The following MIA2 variants were observed in gnomAD, a reference collection of about 807,000 sequenced individuals.
MIA2 encodes melanoma inhibitory activity protein 2.
MIA2 carries 127 observed loss-of-function variants against 167.8 expected under a neutral mutation model. That is an observed-to-expected ratio of 0.76 (90% CI 0.66 to 0.88). The LOEUF is 0.88. Ranked by LOEUF, MIA2 falls within the 40% of genes least tolerant of loss-of-function variation. MIA2 has a pLI of 0.00. For missense variants in MIA2, 1,690 were observed against 1,624.7 expected (o/e 1.04, Z -0.69); for synonymous variants, 552 against 541.9 (o/e 1.02, Z -0.26).
At chr14:39,319,766 G>A (rs987658951) in intron 23 of MIA2, among the ~76,000 whole-genome samples, 2 of 151,980 alleles carry the variant, frequency 1.3e-5, no homozygotes, top group Non-Finnish European at 2.9e-5. Context: ...AGGTTTGATT[G>A]CTTTAATTAC....
chr14:39,387,654 G>C (rs2075290374), exon 24 of MIA2: 1 of 152,222 alleles, frequency 6.6e-6, no homozygotes, highest in East Asian at 1.9e-4. Flanking sequence ...CGAGAGGATT[G>C]AGTCCAATTT....
At chr14:39,331,283 C>CT (rs1000095651) in intron 25 of MIA2, among the ~76,000 whole-genome samples, 26 of 151,748 alleles carry the variant, frequency 1.7e-4, no homozygotes, top group Non-Finnish European at 2.9e-4. Context: ...TACAACCCTG[C>CT]TTTTTTTTGC....
intron 24 of MIA2, among the ~76,000 whole-genome samples, chr14:39,324,500 G>A (rs943849174): frequency 4.6e-5 from 7 of 152,338 alleles, no homozygotes; most frequent in Admixed American, 1.3e-4. Flanking sequence ...TATATTAAAT[G>A]TGAATGCTTA....
chr14:39,313,319 AT>A lies in MIA2; in HGVS notation c.3018-20del, dbSNP rs756922257. ...TCTTTTGACATGTATTAAGAGAATTATAACATTTTTTGTTTTTAAGGAAATT... is the reference window on the plus strand; with the variant it reads ...TCTTTTGACATGTATTAAGAGAATTAAACATTTTTTGTTTTTAAGGAAATT... On this transcript the variant is annotated intron_variant, in intron 18 of 28. Coordinates refer to ENST00000640607, the MANE Select transcript of MIA2 (RefSeq NM_001329214.4). 1.5e-6 allele frequency: 2 copies of A among 1,294,086 alleles called. No homozygotes were observed. The highest frequency in any genetic ancestry group is 2.2e-6 in the Non-Finnish European group (2 of 908,088). The allele number at this position is 1,294,086 out of a possible 1,614,324, so 80.2% of individuals were successfully genotyped here.
chr14:39,343,793 G>A (rs906327017), intron 25 of MIA2, among the ~76,000 whole-genome samples: 1 of 152,058 alleles, frequency 6.6e-6, no homozygotes, highest in African/African-American at 2.4e-5. Flanking sequence ...GTGTATATGT[G>A]TATGTGTATA....
At chr14:39,277,671 T>C in intron 7 of MIA2, among the ~76,000 whole-genome samples, 1 of 34,214 alleles carries the variant, frequency 2.9e-5, no homozygotes, top group Non-Finnish European at 5.8e-5. Context: ...TGTAAGATCT[T>C]TTATATATAT....
chr14:39,300,999 T>TAC (rs1566819352), intron 14 of MIA2, among the ~76,000 whole-genome samples: 3 of 148,914 alleles, frequency 2.0e-5, no homozygotes, highest in African/African-American at 7.6e-5. Flanking sequence ...TACACATATA[T>TAC]ACATATATAC....
intron 2 of MIA2, among the ~76,000 whole-genome samples, chr14:39,238,803 A>AC: frequency 6.8e-6 from 1 of 146,892 alleles, no homozygotes; most frequent in African/African-American, 2.5e-5. Flanking sequence ...CAAAAAAAAA[A>AC]AAAAAAAACC....
At position 39,320,926 on chromosome 14, in the gene MIA2, A is replaced by C; in HGVS notation, c.3368-2A>C. ...TTAAATATGCTGTTTTAATTATTCC[A>C]GAGCATTCCCCATATGGTCCCTCAC... On this transcript the variant is annotated splice_acceptor_variant, in intron 23 of 28. Transcript: ENST00000640607. LOFTEE classifies it high-confidence loss of function. 1 of 1,612,086 alleles carries C rather than the reference A, an allele frequency of 6.2e-7. No individual in the cohort carries two copies. Among genetic ancestry groups the C allele is most frequent in the Non-Finnish European group, 8.5e-7 (1 of 1,179,338 alleles).
chr14:39,247,587 T>C lies in MIA2; in HGVS notation c.1013T>C (p.Leu338Pro), dbSNP rs2054367958. 1.9e-6 allele frequency: 3 copies of C among 1,613,928 alleles called. No individual in the cohort carries two copies. Among genetic ancestry groups the C allele is most frequent in the Middle Eastern group, 1.6e-4 (1 of 6,084 alleles). Residue 338 changes from leucine (L) to proline (P), a missense_variant, in exon 4 of 29, where the codon CTA becomes CCA. Leu to Pro is a moderately conservative substitution (Grantham distance 98). Transcript: ENST00000640607. Reference sequence around the variant, plus strand: ...ATAGCTGAAGAAAGCAATCCACCACTACAAGATTTTCCCAATTCCATATCA... The same window carrying C: ...ATAGCTGAAGAAAGCAATCCACCACCACAAGATTTTCCCAATTCCATATCA... ...ELIAEESNPPLQDFPNSISSD... is the reference protein window; with the variant it reads ...ELIAEESNPPPQDFPNSISSD...
chr14:39,292,123 C>T (rs981105617), intron 10 of MIA2, among the ~76,000 whole-genome samples: 1 of 152,294 alleles, frequency 6.6e-6, no homozygotes, highest in African/African-American at 2.4e-5. Flanking sequence ...TTACTATCTT[C>T]AAGAACTTGT....
intron 23 of MIA2, among the ~76,000 whole-genome samples, chr14:39,382,796 C>T (rs986502934): frequency 1.3e-5 from 2 of 152,100 alleles, no homozygotes; most frequent in African/African-American, 4.8e-5. Flanking sequence ...TTTTATTTTC[C>T]TTTCACACTC....
chr14:39,377,738 C>A (rs565370680), intron 23 of MIA2, among the ~76,000 whole-genome samples: 57 of 151,174 alleles, frequency 3.8e-4, no homozygotes, highest in Non-Finnish European at 5.4e-4. Flanking sequence ...CAAGAATAAT[C>A]ATTTGTTATA....
At chr14:39,252,046 TA>T (rs534232316) in intron 4 of MIA2, among the ~76,000 whole-genome samples, 283 of 133,530 alleles carry the variant, frequency 2.1e-3, no homozygotes, top group African/African-American at 8.4e-3. Context: ...TAGGGTTTTT[TA>T]AAAGTAATTT....
chr14:39,345,951 T>A lies in MIA2; in HGVS notation c.3703T>A (p.Phe1235Ile), dbSNP rs759127670. Residue 1235 changes from phenylalanine to isoleucine, a missense_variant, in exon 26 of 29, where the codon TTT becomes ATT. Coordinates refer to ENST00000640607, the MANE Select transcript of MIA2 (RefSeq NM_001329214.4). ...CCTTCCTCCACAAAGGCAAGACAGA[T>A]TTTGTTCTAATTCTGGTAGACTGTC... ...SALPPQRQDRFCSNSGRLSGP... is the reference protein window; with the variant it reads ...SALPPQRQDRICSNSGRLSGP... The A allele has an allele frequency of 1.2e-6, 2 of 1,612,128 alleles. No individual in the cohort carries two copies. The highest frequency in any genetic ancestry group is 2.2e-5 in the South Asian group (2 of 90,998).
chr14:39,319,431 A>G (rs1279135238), intron 23 of MIA2, 140 bp downstream of exon 23: 2 of 391,306 alleles, frequency 5.1e-6, no homozygotes, highest in African/African-American at 4.2e-5. Flanking sequence ...GTTCTAGACT[A>G]AGCTTTCTCA....
chr14:39,350,168 C>A lies in MIA2; in HGVS notation c.4143C>A (p.Pro1381=). 1.4e-6 allele frequency: 2 copies of A among 1,436,306 alleles called. No homozygotes were observed. Among genetic ancestry groups the A allele is most frequent in the Non-Finnish European group, 1.9e-6 (2 of 1,049,482 alleles). 89.0% of individuals were successfully genotyped at this position (1,436,306 alleles called of 1,614,324 possible). Residue 1381 remains proline (P), a synonymous_variant, in exon 29 of 29, where the codon CCC becomes CCA. Transcript: ENST00000640607. ...CAAGACCTGGATTTTTCCCCCCACC[C>A]CCACATTCTGAAGGTAGAAGTGAGT... The part of the protein sequence containing the change: ...LPPRPGFFPP[P]PHSEGRSEFP...
intron 9 of MIA2, among the ~76,000 whole-genome samples, chr14:39,280,636 G>A (rs2058772702): frequency 6.6e-6 from 1 of 152,142 alleles, no homozygotes; most frequent in Non-Finnish European, 1.5e-5. Flanking sequence ...GGGAGGCTGA[G>A]GCAGGAGAAT....
At chr14:39,346,803 G>A (rs1207255547) in intron 26 of MIA2, 3 of 190,502 alleles carry the variant, frequency 1.6e-5, no homozygotes, top group East Asian at 1.7e-4. Context: ...ATGAGGTTTC[G>A]ACATGTTGTT....
Sources: gnomAD v4.1 joint callset for allele counts (sites outside exome capture counted in the v4.1 genomes callset) on GRCh38, gnomAD v4.1.1 for gene constraint, MANE v1.5 for transcripts, NCBI Gene and HGNC (gene_info 2026-07-23, HGNC 2026-07-21) for gene names.